LHFPL2: variants seen among roughly 807,000 people sequenced by gnomAD.
The protein encoded by LHFPL2 is LHFPL tetraspan subfamily member 2 protein.
A neutral mutation model predicts 17.5 loss-of-function variants in LHFPL2; 7 were observed. That is an observed-to-expected ratio of 0.40 (90% confidence interval 0.23 to 0.75). LHFPL2 has a LOEUF of 0.75. Ranked by LOEUF, LHFPL2 falls within the 30% of genes least tolerant of loss-of-function variation. The pLI is 0.37. For synonymous variants in LHFPL2, 134 were observed against 116.2 expected (o/e 1.15, Z -0.99); for missense variants, 241 against 294.8 (o/e 0.82, Z 1.34).
intron 3 of LHFPL2, among the ~76,000 whole-genome samples, chr5:78,511,575 C>T (rs2112326063): frequency 6.6e-6 from 1 of 152,346 alleles, no homozygotes; most frequent in African/African-American, 2.4e-5. Context: ...TCCATGAGAA[C>T]TGCAAAGAGC....
intron 3 of LHFPL2, among the ~76,000 whole-genome samples, chr5:78,524,258 C>T (rs4704514): frequency 0.25 from 37,945 of 152,078 alleles, 5,018 homozygotes; most frequent in Admixed American, 0.33. Flanking sequence ...GGTTTTCGGG[C>T]ACACTCACTC....
At chr5:78,523,630 T>C (rs1441391593) in intron 3 of LHFPL2, among the ~76,000 whole-genome samples, 1 of 152,090 alleles carries the variant, frequency 6.6e-6, no homozygotes, top group Non-Finnish European at 1.5e-5. Flanking sequence ...AGGGTGGCAA[T>C]GGCCCACAGG....
chr5:78,572,063 G>A (rs779665437), intron 2 of LHFPL2, among the ~76,000 whole-genome samples: 12 of 152,162 alleles, frequency 7.9e-5, no homozygotes, highest in Non-Finnish European at 1.6e-4. Flanking sequence ...GAGATCAGAC[G>A]AGATAGGGAG....
chr5:78,594,953 G>A (rs1743772379), intron 2 of LHFPL2, among the ~76,000 whole-genome samples: 1 of 152,192 alleles, frequency 6.6e-6, no homozygotes. Context: ...TGCTAGCACT[G>A]TGTTCTTTCC....
intron 4 of LHFPL2, among the ~76,000 whole-genome samples, chr5:78,489,410 CTTTTCT>C (rs1466619265): frequency 9.2e-5 from 14 of 152,136 alleles, no homozygotes; most frequent in African/African-American, 3.1e-4. Flanking sequence ...CAAATTGGTA[CTTTTCT>C]TCTTCTTAAG....
chr5:78,585,156 G>A (rs1168211302), intron 2 of LHFPL2, among the ~76,000 whole-genome samples: 1 of 114,288 alleles, frequency 8.7e-6, no homozygotes, highest in Non-Finnish European at 2.0e-5. Context: ...ACAGGTGCCC[G>A]CCACTACGCC....
chr5:78,593,523 C>G (rs1410760006), intron 2 of LHFPL2, among the ~76,000 whole-genome samples: 8 of 152,182 alleles, frequency 5.3e-5, no homozygotes, highest in African/African-American at 1.7e-4. Context: ...TCCTCACAGA[C>G]CTGGTCCCTG....
chr5:78,523,882 A>G (rs1464427812), intron 3 of LHFPL2, among the ~76,000 whole-genome samples: 1 of 152,216 alleles, frequency 6.6e-6, no homozygotes, highest in African/African-American at 2.4e-5. Flanking sequence ...AGTTAGTACA[A>G]GGTCAAGATA....
chr5:78,616,129 TTTG>T (rs1209997219), intron 2 of LHFPL2, among the ~76,000 whole-genome samples: 3 of 422 alleles, frequency 7.1e-3, no homozygotes, highest in Admixed American at 0.038. Context: ...TTGTTGTTGT[TTTG>T]GGGGTTTTTT....
chr5:78,546,493 T>C (rs1006344237), intron 3 of LHFPL2, among the ~76,000 whole-genome samples: 6 of 152,176 alleles, frequency 3.9e-5, no homozygotes, highest in South Asian at 2.1e-4. Flanking sequence ...GGGATAATAA[T>C]AGAACCTACA....
intron 3 of LHFPL2, among the ~76,000 whole-genome samples, chr5:78,554,234 G>A (rs530893940): frequency 8.1e-4 from 123 of 152,388 alleles, no homozygotes; most frequent in African/African-American, 2.9e-3. Flanking sequence ...TCCTGCACAC[G>A]CTTACAGCGA....
chr5:78,544,418 C>T (rs1487690620), intron 3 of LHFPL2, among the ~76,000 whole-genome samples: 1 of 152,242 alleles, frequency 6.6e-6, no homozygotes, highest in Middle Eastern at 3.4e-3. Flanking sequence ...AAAAGCAAAT[C>T]GGCTTCAGCA....
intron 2 of LHFPL2, among the ~76,000 whole-genome samples, chr5:78,578,620 C>G (rs10075895): frequency 0.38 from 56,266 of 149,230 alleles, 11,086 homozygotes; most frequent in Non-Finnish European, 0.46. Flanking sequence ...CACACACACA[C>G]AGAGACAGGT....
At chr5:78,647,841 C>A (rs1345372233) in intron 1 of LHFPL2, among the ~76,000 whole-genome samples, 3 of 151,934 alleles carry the variant, frequency 2.0e-5, no homozygotes, top group African/African-American at 4.8e-5. Flanking sequence ...AAAAAAAAAA[C>A]TGTGTGCCTA....
intron 2 of LHFPL2, among the ~76,000 whole-genome samples, chr5:78,583,391 A>G (rs1384832083): frequency 1.3e-5 from 2 of 150,808 alleles, no homozygotes; most frequent in Non-Finnish European, 3.0e-5. Flanking sequence ...TGGTCTTTAC[A>G]TTTTGGCATG....
intron 4 of LHFPL2, among the ~76,000 whole-genome samples, chr5:78,498,717 TACTC>T (rs1222919419): frequency 2.0e-5 from 3 of 152,158 alleles, no homozygotes; most frequent in Admixed American, 6.5e-5. Flanking sequence ...TACTGATCCT[TACTC>T]ACCAAGACAA....
At position 78,485,508 on chromosome 5, in the gene LHFPL2, C is replaced by T. The variant is rs901124483; in HGVS notation, c.*3389G>A. ...TTCACCACAGTCTCAGAAGAAATCC[C>T]AGTCGTGCCTTTAACTCTTTTGGCC... On this transcript the variant is annotated 3_prime_UTR_variant, in exon 5 of 5. Transcript: ENST00000380345. 6.6e-6 allele frequency: 1 copy of T among 152,624 alleles called. No homozygotes were observed. The highest frequency in any genetic ancestry group is 1.5e-5 in the Non-Finnish European group (1 of 68,038). 9.5% of individuals were successfully genotyped at this position (152,624 alleles called of 1,614,324 possible).
intron 2 of LHFPL2, among the ~76,000 whole-genome samples, chr5:78,595,200 C>T (rs969859704): frequency 6.6e-6 from 1 of 152,194 alleles, no homozygotes. Flanking sequence ...CCAGTCAGGA[C>T]GTGGGGATTC....
intron 3 of LHFPL2, among the ~76,000 whole-genome samples, chr5:78,560,361 C>T (rs1304816927): frequency 6.6e-6 from 1 of 152,240 alleles, no homozygotes; most frequent in Non-Finnish European, 1.5e-5. Flanking sequence ...GGCAATATAT[C>T]TCCATATTTC....
Sources: gnomAD v4.1 joint callset for allele counts (sites outside exome capture counted in the v4.1 genomes callset) on GRCh38, gnomAD v4.1.1 for gene constraint, MANE v1.5 for transcripts, NCBI Gene and HGNC (gene_info 2026-07-23, HGNC 2026-07-21) for gene names.